ADD1: variants seen among roughly 807,000 people sequenced by gnomAD.
ADD1 encodes the protein alpha-adducin.
ADD1 carries 24 observed loss-of-function variants against 80.5 expected under a neutral mutation model. The ratio of observed to expected loss-of-function variants is 0.30; its 90% confidence interval spans 0.22 to 0.42. The LOEUF (loss-of-function observed/expected upper bound fraction) is 0.42. Ranked by LOEUF, ADD1 falls within the 10% of genes least tolerant of loss-of-function variation. ADD1 has a pLI of 1.00. For missense variants in ADD1, 948 were observed against 1,019.0 expected, an observed-to-expected ratio of 0.93 and a Z score of 0.95; for synonymous variants, 373 against 393.8, an observed-to-expected ratio of 0.95 and a Z score of 0.63.
At position 2,904,936 on chromosome 4, in the gene ADD1, C is replaced by T. The variant is rs749096841; in HGVS notation, c.1334C>T (p.Thr445Ile). 3 of 1,614,192 alleles carry T rather than the reference C, an allele frequency of 1.9e-6. No homozygotes were observed. The highest frequency in any genetic ancestry group is 2.5e-6 in the Non-Finnish European group (3 of 1,180,042). ...TTTCAGAAGCAGCAGCGGGAGAAGA[C>T]AAGATGGCTGAACTCTGGCCGGGGC... ...HSFQKQQREK[T>I]RWLNSGRGDE... The change falls in exon 10 of 16, where the codon ACA (threonine) becomes ATA (isoleucine). Residue 445 changes from threonine to isoleucine, a missense_variant. By Grantham distance (89) the Thr-to-Ile change is moderately conservative (BLOSUM62 -1). Transcript: ENST00000683351.
chr4:2,873,671 T>C (rs1478529120), intron 1 of ADD1, among the ~76,000 whole-genome samples: 1 of 152,220 alleles, frequency 6.6e-6, no homozygotes, highest in East Asian at 1.9e-4. Context: ...TTTTTACCGA[T>C]GAAAATGGCT....
intron 12 of ADD1, 43 bp from the exon 13 acceptor site, chr4:2,909,294 CAG>C (rs2109087743): frequency 1.4e-6 from 2 of 1,477,890 alleles, no homozygotes; most frequent in East Asian, 4.9e-5. Flanking sequence ...TGATATTTCA[CAG>C]GCTGGGCCTG....
At chr4:2,848,982 A>G (rs1244259755) in intron 1 of ADD1, among the ~76,000 whole-genome samples, 1 of 152,216 alleles carries the variant, frequency 6.6e-6, no homozygotes, top group Non-Finnish European at 1.5e-5. Flanking sequence ...TTGGGCACCT[A>G]TGAAGTATAT....
chr4:2,896,757 G>A (rs7673536), intron 6 of ADD1, among the ~76,000 whole-genome samples: 61 of 151,932 alleles, frequency 4.0e-4, no homozygotes, highest in African/African-American at 1.5e-3. Flanking sequence ...ATCACGTAAC[G>A]TGTTTTTGTT....
At position 2,907,797 on chromosome 4, in the gene ADD1, G is replaced by A. The variant is rs760698990; in HGVS notation, c.1561G>A (p.Val521Ile). ...TSTSAVPNLFVPLNTNPKEVQ... is the reference protein window; with the variant it reads ...TSTSAVPNLFIPLNTNPKEVQ... ...CACCTCTGCTGTCCCTAACCTGTTTGTTCCATTGAACACTAACCCAAAAGA... is the reference window on the plus strand; with the variant it reads ...CACCTCTGCTGTCCCTAACCTGTTTATTCCATTGAACACTAACCCAAAAGA... Residue 521 changes from valine (V) to isoleucine (I), a missense_variant, in exon 11 of 16, where the codon GTT becomes ATT. Coordinates refer to ENST00000683351, the MANE Select transcript of ADD1 (RefSeq NM_001354761.2). The A allele has an allele frequency of 1.9e-6, 3 of 1,614,120 alleles. No individual in the cohort carries two copies. The highest frequency in any genetic ancestry group is 1.7e-5 in the Admixed American group (1 of 60,022).
intron 9 of ADD1, 83 bp downstream of exon 9, chr4:2,899,518 T>C: frequency 6.8e-7 from 1 of 1,473,744 alleles, no homozygotes; most frequent in Non-Finnish European, 9.4e-7. Context: ...GTGCGATTGC[T>C]GTCTTTTATG....
At chr4:2,896,531 T>C (rs1027937422) in intron 6 of ADD1, among the ~76,000 whole-genome samples, 1 of 152,112 alleles carries the variant, frequency 6.6e-6, no homozygotes, top group Non-Finnish European at 1.5e-5. Context: ...TTTAATGTCA[T>C]GTGTGTTGGA....
intron 10 of ADD1, chr4:2,907,428 T>C: frequency 4.3e-6 from 1 of 233,260 alleles, no homozygotes; most frequent in South Asian, 5.8e-5. Context: ...CTGAGGGGCC[T>C]CCCCTGCTGG....
chr4:2,900,606 G>A (rs1736013929), intron 9 of ADD1: 1 of 152,430 alleles, frequency 6.6e-6, no homozygotes, highest in Admixed American at 6.5e-5. Context: ...CAGGAGGCAG[G>A]AAGTTTAACT....
rs1397027797 is a variant in ADD1, at chr4:2,907,862, A to G, written c.1608+18A>G. 6.2e-7 allele frequency: 1 copy of G among 1,602,878 alleles called. No homozygotes were observed. Among genetic ancestry groups the G allele is most frequent in the Non-Finnish European group, 8.5e-7 (1 of 1,170,366 alleles). Reference sequence around the variant, plus strand: ...GGAACAAGGTGCGTCCTGCGTCGGCACTCAGCGGGGGCTTGGGTGTGGGAT... The same window carrying G: ...GGAACAAGGTGCGTCCTGCGTCGGCGCTCAGCGGGGGCTTGGGTGTGGGAT... On this transcript the variant is annotated intron_variant, in intron 11 of 15. Transcript: ENST00000683351.
chr4:2,870,863 A>G (rs1423777071), intron 1 of ADD1, among the ~76,000 whole-genome samples: 3 of 152,182 alleles, frequency 2.0e-5, no homozygotes, highest in East Asian at 1.9e-4. Context: ...TTTCAGTTCC[A>G]TGTGCCTCCT....
rs75033441 is a variant in ADD1, at chr4:2,852,634, A to G, written c.-21+8610A>G. Among the ~76,000 whole-genome samples the G allele has an allele frequency of 2.0e-4, 31 of 151,390 alleles. No individual in the cohort carries two copies. In the East Asian group the frequency reaches 6.0e-3, roughly 29 times the overall value. ...GTCACTGACCTAGGGTGTCTGCAGC[A>G]TTCAGTGTCTTCTATTTTCTGTACT... On this transcript the variant is annotated intron_variant, in intron 1 of 15. Transcript: ENST00000683351.
chr4:2,871,395 T>C (rs1435248343), intron 1 of ADD1, among the ~76,000 whole-genome samples: 1 of 152,220 alleles, frequency 6.6e-6, no homozygotes, highest in Non-Finnish European at 1.5e-5. Flanking sequence ...TTTTATGTCA[T>C]TTGAGATAGT....
chr4:2,927,691 C>T lies in ADD1; in HGVS notation c.2048-480C>T, dbSNP rs375364585. 5.3e-5 allele frequency among the ~76,000 whole-genome samples: 8 copies of T among 152,328 alleles called. No homozygotes were observed. In the South Asian group the frequency reaches 8.3e-4, roughly 16 times the overall value. ...ACGGCTTTGTTCTTTTGGATGTTGA[C>T]GTCACACAACGTGCTGTGGGAGTTA... On this transcript the variant is annotated intron_variant, in intron 15 of 15. Coordinates refer to ENST00000683351, the MANE Select transcript of ADD1 (RefSeq NM_001354761.2).
intron 1 of ADD1, among the ~76,000 whole-genome samples, chr4:2,852,298 T>TCC (rs1727383441): frequency 6.9e-6 from 1 of 144,968 alleles, no homozygotes; most frequent in Non-Finnish European, 1.5e-5. Context: ...TTTCTTTTCT[T>TCC]TTCTTTTCTT....
intron 1 of ADD1, among the ~76,000 whole-genome samples, chr4:2,874,446 A>C (rs1205142744): frequency 6.6e-6 from 1 of 151,954 alleles, no homozygotes; most frequent in Non-Finnish European, 1.5e-5. Context: ...GTCTCTACTA[A>C]AAATACAAAA....
At chr4:2,865,935 T>TA (rs1340690459) in intron 1 of ADD1, among the ~76,000 whole-genome samples, 2 of 152,222 alleles carry the variant, frequency 1.3e-5, no homozygotes, top group Non-Finnish European at 2.9e-5. Context: ...TTCCCACATG[T>TA]AATTGTTCAG....
intron 14 of ADD1, among the ~76,000 whole-genome samples, chr4:2,924,540 T>G (rs560746717): frequency 3.3e-5 from 5 of 152,224 alleles, no homozygotes; most frequent in Non-Finnish European, 5.9e-5. Flanking sequence ...AGCCACCTTG[T>G]TGTGTGGGAC....
At chr4:2,919,588 T>C (rs1022924289) in intron 14 of ADD1, among the ~76,000 whole-genome samples, 4 of 152,360 alleles carry the variant, frequency 2.6e-5, no homozygotes, top group African/African-American at 9.6e-5. Flanking sequence ...TCCAGGAATT[T>C]ATCCATTTCT....
Sources: gnomAD v4.1 joint callset for allele counts (sites outside exome capture counted in the v4.1 genomes callset) on GRCh38, gnomAD v4.1.1 for gene constraint, MANE v1.5 for transcripts, NCBI Gene and HGNC (gene_info 2026-07-23, HGNC 2026-07-21) for gene names.